RPL5: variants seen among roughly 807,000 people sequenced by gnomAD.
RPL5 encodes ribosomal protein L5.
In RPL5, 1 loss-of-function variant was observed where a neutral mutation model predicts 38.4. The ratio of observed to expected loss-of-function variants is 0.03; its 90% CI spans 0.01 to 0.12. The LOEUF is 0.12. Among genes scored for constraint, RPL5 ranks in the 10% least tolerant of loss-of-function variants. The probability of loss-of-function intolerance (pLI) is 1.00; values close to 1 mark genes in which losing one functional copy is unlikely to be tolerated. For synonymous variants in RPL5, 109 were observed against 121.2 expected, an observed-to-expected ratio of 0.90 and a Z score of 0.66; for missense variants, 243 against 374.1, an observed-to-expected ratio of 0.65 and a Z score of 2.89.
chr1:92,832,157 A>AG, intron 1 of RPL5, 40 bp downstream of exon 1: 1 of 1,613,460 alleles, frequency 6.2e-7, no homozygotes, highest in Non-Finnish European at 8.5e-7. Flanking sequence ...AGATGCATGG[A>AG]GGTTCCCTTT....
Position 92,832,135 on chromosome 1 carries a change from T to G in RPL5, c.3+18T>G, listed in dbSNP as rs768489177. ...GCAGGATGGTGAGTGGATGCCTCGGTCTCGGGGCTTTAGATGCATGGAGGT... is the reference window on the plus strand; with the variant it reads ...GCAGGATGGTGAGTGGATGCCTCGGGCTCGGGGCTTTAGATGCATGGAGGT... On this transcript the variant is annotated intron_variant, in intron 1 of 7. Transcript: ENST00000370321. 1.2e-6 allele frequency: 2 copies of G among 1,613,994 alleles called. No individual in the cohort carries two copies.
chr1:92,837,072 T>C (rs1687159282), intron 5 of RPL5: 1 of 331,236 alleles, frequency 3.0e-6, no homozygotes, highest in South Asian at 2.6e-5. Flanking sequence ...ACCAAGAGCA[T>C]TCTCACTTGA....
chr1:92,832,674 C>G, intron 1 of RPL5: 1 of 348,744 alleles, frequency 2.9e-6, no homozygotes, highest in Non-Finnish European at 5.2e-6. Context: ...CCCGGAAGCT[C>G]CTTTAACATG....
chr1:92,833,477 G>A lies in RPL5; in HGVS notation c.73+19G>A, dbSNP rs1375441371. On this transcript the variant is annotated intron_variant, in intron 2 of 7. Coordinates refer to ENST00000370321, the MANE Select transcript of RPL5 (RefSeq NM_000969.5). ...CGACGAGGTACTGTCACCTTTTTGT[G>A]TTTACAATATTAATCTGCTTTGCAG... 2 of 1,613,492 alleles carry A rather than the reference G, an allele frequency of 1.2e-6. No homozygotes were observed. The highest frequency in any genetic ancestry group is 2.2e-5 in the South Asian group (2 of 91,064).
chr1:92,833,359 A>C (rs376462650), intron 1 of RPL5, 30 bp from the exon 2 acceptor site: 5 of 1,556,752 alleles, frequency 3.2e-6, no homozygotes, highest in Non-Finnish European at 4.4e-6. Flanking sequence ...TAAGACATCA[A>C]AGTTTTAATA....
rs915431878 is a variant in RPL5 at position 92,838,921 on chromosome 1, A to G, written c.705+1288A>G. On this transcript the variant is annotated intron_variant, in intron 6 of 7. Coordinates refer to ENST00000370321, the MANE Select transcript of RPL5 (RefSeq NM_000969.5). ...ATTTTCCTTTAATAATCTTTATGCAAATGCATGTAGTAATCACATCTCCAC... is the reference window on the plus strand; with the variant it reads ...ATTTTCCTTTAATAATCTTTATGCAGATGCATGTAGTAATCACATCTCCAC... Among the ~76,000 whole-genome samples, 3 of 152,168 alleles carry G rather than the reference A, an allele frequency of 2.0e-5. 1 individual carries two copies. Among genetic ancestry groups the G allele is most frequent in the Non-Finnish European group, 4.4e-5 (3 of 68,028 alleles).
chr1:92,839,491 A>C (rs1017258746), intron 6 of RPL5, among the ~76,000 whole-genome samples: 2 of 152,208 alleles, frequency 1.3e-5, no homozygotes, highest in Admixed American at 1.3e-4. Context: ...GAAAGACAGA[A>C]GAGAGGTCCT....
chr1:92,838,468 G>A (rs1687209408), intron 6 of RPL5, among the ~76,000 whole-genome samples: 1 of 152,168 alleles, frequency 6.6e-6, no homozygotes, highest in Non-Finnish European at 1.5e-5. Context: ...TACTTGCTCA[G>A]AACTTTTCAG....
In RPL5 at chr1:92,833,575, G is replaced by T; in HGVS notation, c.104G>T (p.Arg35Leu). 6 of 1,613,498 alleles carry T rather than the reference G, an allele frequency of 3.7e-6. No individual in the cohort carries two copies. The highest frequency in any genetic ancestry group is 1.1e-5 in the South Asian group (1 of 91,056). ...EGKTDYYARK[R>L]LVIQDKNKYN... ...AAAACTGATTATTATGCTCGGAAACGCTTGGTGATACAAGATAAAAATAAA... is the reference window on the plus strand; with the variant it reads ...AAAACTGATTATTATGCTCGGAAACTCTTGGTGATACAAGATAAAAATAAA... The change falls in exon 3 of 8, where the codon CGC becomes CTC. Residue 35 changes from arginine (R) to leucine (L), a missense_variant. Physicochemically the swap from Arg to Leu is moderately radical, Grantham distance 102 (BLOSUM62 -2). Coordinates refer to ENST00000370321, the MANE Select transcript of RPL5 (RefSeq NM_000969.5).
Position 92,837,610 on chromosome 1 carries a change from A to C in RPL5, c.682A>C (p.Lys228Gln). ...CAAGAAACAGTTCTCTCAATACATA[A>C]AGAACAGCGTAACTCCAGACATGGT... ...AYKKQFSQYI[K>Q]NSVTPDMMEE... Residue 228 changes from lysine to glutamine, a missense_variant, in exon 6 of 8, where the codon AAG (lysine) becomes CAG (glutamine). Transcript: ENST00000370321. 6.2e-7 allele frequency: 1 copy of C among 1,612,158 alleles called. No homozygotes were observed. Among genetic ancestry groups the C allele is most frequent in the Non-Finnish European group, 8.5e-7 (1 of 1,179,678 alleles).
rs185498533 is a variant in RPL5, at chr1:92,834,567, G to A, written c.190-212G>A. ...CTGAGACTTTGCTGACTTTAGTTAT[G>A]TTTAGTTCAAAAGATGATTGAAATA... On this transcript the variant is annotated intron_variant, in intron 3 of 7. Transcript: ENST00000370321. Among the ~76,000 whole-genome samples the A allele has an allele frequency of 1.5e-3, 227 of 152,290 alleles. 1 individual carries two copies. Among genetic ancestry groups the A allele is most frequent in the African/African-American group, 5.3e-3 (221 of 41,562 alleles).
intron 7 of RPL5, 59 bp downstream of exon 7, chr1:92,840,698 G>T (rs376432356): frequency 2.7e-5 from 33 of 1,224,818 alleles, no homozygotes; most frequent in Admixed American, 8.4e-5. Context: ...TTCCCACGTG[G>T]GGCAGACTGT....
chr1:92,837,323 G>GT (rs1239672025), intron 5 of RPL5, 133 bp from the exon 6 acceptor site: 1 of 809,350 alleles, frequency 1.2e-6, no homozygotes, highest in Admixed American at 1.7e-5. Flanking sequence ...TGAGCAGTCA[G>GT]TAGTTGGTCC....
rs371750521 is a variant in RPL5 at position 92,833,079 on chromosome 1, G to A, written c.4-310G>A. 9 of 715,966 alleles carry A rather than the reference G, an allele frequency of 1.3e-5. No homozygotes were observed. In the African/African-American group the frequency reaches 1.6e-4, roughly 12 times the overall value. 44.4% of individuals were successfully genotyped at this position (715,966 alleles called of 1,614,324 possible). On this transcript the variant is annotated intron_variant, in intron 1 of 7. Coordinates refer to ENST00000370321, the MANE Select transcript of RPL5 (RefSeq NM_000969.5). ...AAATTGAAAGCGTTTAAAACCTTTT[G>A]AAAGCAATATAACAATAATTTTATA...
In RPL5 at chr1:92,838,229, A is replaced by G. The variant is rs550328659; in HGVS notation, c.705+596A>G. ...GAAATGACCACTTTCTGTTATTTCT[A>G]TGCTTTGGACACAGTGTAAAGGCTG... is the stretch of plus-strand genomic sequence containing the variant. On this transcript the variant is annotated intron_variant, in intron 6 of 7. Transcript: ENST00000370321. 1.6e-4 allele frequency among the ~76,000 whole-genome samples: 24 copies of G among 152,344 alleles called. No homozygotes were observed. In the South Asian group the frequency reaches 4.6e-3, roughly 29 times the overall value.
intron 6 of RPL5, among the ~76,000 whole-genome samples, chr1:92,839,414 T>C (rs1687264894): frequency 6.6e-6 from 1 of 152,148 alleles, no homozygotes; most frequent in South Asian, 2.1e-4. Context: ...TCAGGAAAAC[T>C]TCTGACATCT....
intron 3 of RPL5, 182 bp downstream of exon 3, chr1:92,833,842 C>G: frequency 1.7e-6 from 1 of 604,230 alleles, no homozygotes; most frequent in East Asian, 2.8e-5. Context: ...AAAAAATGCT[C>G]TTGGTTGCGC....
At position 92,841,919 on chromosome 1, in the gene RPL5, C is replaced by A; in HGVS notation, c.*54C>A. ...ATATAGATAATAAACTTATGAACAGCAACTATTTCTGTGTTAAGCTCTTAT... is the reference window on the plus strand; with the variant it reads ...ATATAGATAATAAACTTATGAACAGAAACTATTTCTGTGTTAAGCTCTTAT... On this transcript the variant is annotated 3_prime_UTR_variant, in exon 8 of 8. Transcript: ENST00000370321. The A allele has an allele frequency of 7.5e-7, 1 of 1,339,150 alleles. No homozygotes were observed. The highest frequency in any genetic ancestry group is 1.1e-6 in the Non-Finnish European group (1 of 940,644). The allele number at this position is 1,339,150 out of a possible 1,614,324, so 83.0% of individuals were successfully genotyped here. A position where few individuals can be genotyped will look rare whatever the true frequency, so the allele number is the denominator to read the frequency against.
intron 6 of RPL5, among the ~76,000 whole-genome samples, chr1:92,839,732 TTAAAA>T (rs1180227883): frequency 2.6e-5 from 4 of 152,238 alleles, no homozygotes; most frequent in African/African-American, 9.6e-5. Context: ...CAGACAGTAT[TTAAAA>T]TGAGAAGCGC....
Sources: allele counts gnomAD v4.1 joint callset (sites outside exome capture counted in the v4.1 genomes callset), GRCh38; gene constraint gnomAD v4.1.1; transcripts MANE v1.5; gene names NCBI Gene and HGNC (gene_info 2026-07-23, HGNC 2026-07-21).